PRICKLE2: variants seen among roughly 807,000 people sequenced by gnomAD.
PRICKLE2 encodes prickle planar cell polarity protein 2.
In PRICKLE2, 21 loss-of-function variants were observed where a neutral mutation model predicts 81.4. The ratio of observed to expected loss-of-function variants is 0.26; its 90% confidence interval spans 0.18 to 0.37. The LOEUF (loss-of-function observed/expected upper bound fraction) is 0.37. PRICKLE2 is among the 10% of genes least tolerant of loss of function. The probability of loss-of-function intolerance (pLI) is 1.00; values close to 1 mark genes in which losing one functional copy is unlikely to be tolerated. For missense variants in PRICKLE2, 940 were observed against 1,109.0 expected (o/e 0.85, Z 2.16); for synonymous variants, 456 against 421.5 (o/e 1.08, Z -1.00).
chr3:64,113,650 C>T (rs2076886615), intron 7 of PRICKLE2, among the ~76,000 whole-genome samples: 2 of 152,102 alleles, frequency 1.3e-5, no homozygotes, highest in Admixed American at 6.5e-5. Context: ...TAGTCTGCAC[C>T]CACCCAGCCC....
At chr3:64,181,252 T>A (rs983627671) in intron 2 of PRICKLE2, among the ~76,000 whole-genome samples, 1 of 152,142 alleles carries the variant, frequency 6.6e-6, no homozygotes, top group Admixed American at 6.6e-5. Flanking sequence ...AGGAGTGGCA[T>A]GAGAAGCAAC....
intron 7 of PRICKLE2, among the ~76,000 whole-genome samples, chr3:64,119,102 T>C (rs574262537): frequency 5.9e-5 from 9 of 152,112 alleles, no homozygotes; most frequent in African/African-American, 2.2e-4. Flanking sequence ...CCATTATTCT[T>C]AGCAAACTAA....
intron 7 of PRICKLE2, among the ~76,000 whole-genome samples, chr3:64,110,945 GAC>G (rs1205597871): frequency 5.4e-5 from 6 of 110,814 alleles, no homozygotes; most frequent in Non-Finnish European, 8.4e-5. Flanking sequence ...CTGGGAGACA[GAC>G]AGACTCCATC....
intron 7 of PRICKLE2, among the ~76,000 whole-genome samples, chr3:64,132,880 C>T (rs1408514016): frequency 1.3e-5 from 2 of 152,122 alleles, no homozygotes; most frequent in Admixed American, 6.5e-5. Flanking sequence ...TTGAGGTACA[C>T]AATATTAGGG....
chr3:64,252,760 A>G (rs2079466692), intron 2 of PRICKLE2, among the ~76,000 whole-genome samples: 1 of 152,228 alleles, frequency 6.6e-6, no homozygotes, highest in Non-Finnish European at 1.5e-5. Context: ...GTAAAACCTC[A>G]CTGGATTAGA....
intron 7 of PRICKLE2, among the ~76,000 whole-genome samples, chr3:64,139,762 C>A (rs2077332185): frequency 2.0e-5 from 3 of 152,174 alleles, no homozygotes. Flanking sequence ...AAGTGCTCAC[C>A]CAGCCATAGG....
At chr3:64,172,242 T>C (rs2077944726) in intron 2 of PRICKLE2, among the ~76,000 whole-genome samples, 1 of 152,230 alleles carries the variant, frequency 6.6e-6, no homozygotes, top group South Asian at 2.1e-4. Flanking sequence ...GACTCCCTCA[T>C]CCCAATTTTA....
At chr3:64,177,367 C>T (rs2078044477) in intron 2 of PRICKLE2, among the ~76,000 whole-genome samples, 1 of 151,854 alleles carries the variant, frequency 6.6e-6, no homozygotes, top group African/African-American at 2.4e-5. Context: ...GAACTCCTGA[C>T]CTCGATCCAC....
rs1285482024 is a variant in PRICKLE2 at position 64,147,093 on chromosome 3, T to C, written c.1397A>G (p.Lys466Arg). The C allele has an allele frequency of 6.2e-7, 1 of 1,614,164 alleles. No individual in the cohort carries two copies. Among genetic ancestry groups the C allele is most frequent in the Admixed American group, 1.7e-5 (1 of 60,016 alleles). The change falls in exon 7 of 8, where the codon AAG becomes AGG. Residue 466 changes from lysine to arginine, a missense_variant. By Grantham distance (26) the Lys-to-Arg change is conservative. Around this residue, in one of 2 missense-constraint regions of PRICKLE2, gnomAD observed 670 missense variants for 717.2 expected, o/e 0.93. Coordinates refer to ENST00000638394, the MANE Select transcript of PRICKLE2 (RefSeq NM_198859.4). This position sits in a 1 kb window ranked among gnomAD's most constrained non-coding sequence, Gnocchi z 5.0. Reference sequence around the variant, plus strand: ...CGGGTAATAGTCTTCTCGGCATTCCTTGATGAAGCTGCCAGCATGTCCTGT... The same window carrying C: ...CGGGTAATAGTCTTCTCGGCATTCCCTGATGAAGCTGCCAGCATGTCCTGT... ...AMTGHAGSFI[K>R]ECREDYYPGR...
intron 2 of PRICKLE2, among the ~76,000 whole-genome samples, chr3:64,179,319 G>A (rs1232014070): frequency 4.6e-5 from 7 of 151,860 alleles, no homozygotes; most frequent in Admixed American, 3.9e-4. Context: ...CAGGTGATCC[G>A]CCTGCCTCAG....
intron 2 of PRICKLE2, among the ~76,000 whole-genome samples, chr3:64,266,412 T>C (rs1443515901): frequency 6.6e-6 from 1 of 152,204 alleles, no homozygotes; most frequent in Admixed American, 6.5e-5. Flanking sequence ...CAACAGTTTC[T>C]CCTGGCAGGT....
chr3:64,142,369 G>A (rs1328514405), intron 7 of PRICKLE2, among the ~76,000 whole-genome samples: 8 of 149,256 alleles, frequency 5.4e-5, no homozygotes, highest in African/African-American at 2.0e-4. Flanking sequence ...GGGGTGCAGT[G>A]GTGTGATCCT....
intron 7 of PRICKLE2, among the ~76,000 whole-genome samples, chr3:64,104,920 T>C (rs913648401): frequency 3.3e-5 from 5 of 152,236 alleles, no homozygotes; most frequent in African/African-American, 1.2e-4. Context: ...TGTACTTGCC[T>C]CTAGAAAGGG....
At chr3:64,249,590 C>T (rs1334019207) in intron 2 of PRICKLE2, among the ~76,000 whole-genome samples, 1 of 152,172 alleles carries the variant, frequency 6.6e-6, no homozygotes, top group Non-Finnish European at 1.5e-5. Flanking sequence ...CATTGCTCAA[C>T]CCCAAGGGGA....
chr3:64,249,500 T>C lies in PRICKLE2; in HGVS notation c.129-50533A>G, dbSNP rs192063265. Among the ~76,000 whole-genome samples, 576 of 152,294 alleles carry C rather than the reference T, an allele frequency of 3.8e-3. 2 individuals are homozygous for C. The highest frequency in any genetic ancestry group is 5.8e-3 in the Admixed American group (88 of 15,296). On this transcript the variant is annotated intron_variant, in intron 2 of 8. Transcript: ENST00000295902. ...TAGACTTGCAAGATATTAACTGTCA[T>C]TGTCTTGTCAAATGGAGGCTCAGTA...
chr3:64,198,052 A>C (rs2078491511), intron 2 of PRICKLE2, among the ~76,000 whole-genome samples: 1 of 151,740 alleles, frequency 6.6e-6, no homozygotes, highest in African/African-American at 2.4e-5. Flanking sequence ...TCTACTAAAA[A>C]TACAAGAAAA....
intron 3 of PRICKLE2, 117 bp from the exon 4 acceptor site, chr3:64,160,194 C>A: frequency 5.3e-6 from 6 of 1,124,414 alleles, no homozygotes; most frequent in Non-Finnish European, 8.0e-6. Context: ...ATAGCCCTCG[C>A]CTGAACTTTA....
intron 2 of PRICKLE2, among the ~76,000 whole-genome samples, chr3:64,266,088 G>C (rs2079703259): frequency 6.6e-6 from 1 of 151,980 alleles, no homozygotes; most frequent in African/African-American, 2.4e-5. Context: ...GAGCTTTCTT[G>C]TATTACACCC....
chr3:64,137,091 C>CA (rs2077290519), intron 7 of PRICKLE2, among the ~76,000 whole-genome samples: 1 of 152,140 alleles, frequency 6.6e-6, no homozygotes, highest in Non-Finnish European at 1.5e-5. Flanking sequence ...AAAATATGAA[C>CA]ACTGGTCAAG....
Sources: allele counts gnomAD v4.1 joint callset (sites outside exome capture counted in the v4.1 genomes callset), GRCh38; gene constraint gnomAD v4.1.1; regional missense constraint gnomAD v4.1.1; non-coding constraint Gnocchi (gnomAD v3.1); transcripts MANE v1.5; gene names NCBI Gene and HGNC (gene_info 2026-07-23, HGNC 2026-07-21).